KLC1: variants seen among roughly 807,000 people sequenced by gnomAD.
KLC1 encodes kinesin light chain 1.
A neutral mutation model predicts 84.2 loss-of-function variants in KLC1; 30 were observed. The ratio of observed to expected loss-of-function variants is 0.36; its 90% CI spans 0.27 to 0.48. The LOEUF (loss-of-function observed/expected upper bound fraction) is 0.48, where lower values mean the gene tolerates loss of function less well. KLC1 is among the 20% of genes least tolerant of loss of function. KLC1 has a pLI of 0.99. For missense variants in KLC1, 499 were observed against 805.4 expected (o/e 0.62, Z 4.60); for synonymous variants, 289 against 293.3 (o/e 0.99, Z 0.15).
At chr14:103,649,784 C>T (rs953268492) in intron 1 of KLC1, among the ~76,000 whole-genome samples, 1 of 151,654 alleles carries the variant, frequency 6.6e-6, no homozygotes, top group Non-Finnish European at 1.5e-5. Context: ...CAAGCTTCGT[C>T]TCCCGGGTTC....
At chr14:103,654,533 G>C in intron 1 of KLC1, 31 bp from the exon 2 acceptor site, 1 of 1,550,784 alleles carries the variant, frequency 6.4e-7, no homozygotes, top group Non-Finnish European at 8.7e-7. Context: ...TGTAATGAGG[G>C]ATCTAATTTC....
intron 1 of KLC1, among the ~76,000 whole-genome samples, chr14:103,633,962 G>A (rs900795525): frequency 1.3e-5 from 2 of 152,016 alleles, no homozygotes; most frequent in African/African-American, 2.4e-5. Flanking sequence ...TCTGCCTCCC[G>A]GGTTCAAGCC....
chr14:103,654,934 A>G (rs950763569), intron 2 of KLC1, 109 bp downstream of exon 2: 8 of 1,290,516 alleles, frequency 6.2e-6, no homozygotes, highest in Non-Finnish European at 8.5e-6. Flanking sequence ...TTATAGAATA[A>G]CAGATCCAGG....
chr14:103,680,130 G>A (rs1044642074), intron 13 of KLC1, among the ~76,000 whole-genome samples: 1 of 152,214 alleles, frequency 6.6e-6, no homozygotes, highest in Non-Finnish European at 1.5e-5. Context: ...AGCCCGCCAT[G>A]TGCCTGAGAG....
At chr14:103,648,281 G>T (rs1452951433) in intron 1 of KLC1, among the ~76,000 whole-genome samples, 1 of 152,138 alleles carries the variant, frequency 6.6e-6, no homozygotes, top group Non-Finnish European at 1.5e-5. Context: ...TTTAAAAAGA[G>T]TAAAAATTGT....
At chr14:103,641,364 CT>C (rs34722248) in intron 1 of KLC1, among the ~76,000 whole-genome samples, 89,426 of 151,828 alleles carry the variant, frequency 0.59, 27,830 homozygotes, top group Non-Finnish European at 0.71. Flanking sequence ...TTTTCTTAGA[CT>C]TTCCTTGCAT....
At chr14:103,633,054 T>C (rs1567001797) in intron 1 of KLC1, among the ~76,000 whole-genome samples, 1 of 151,524 alleles carries the variant, frequency 6.6e-6, no homozygotes, top group Admixed American at 6.6e-5. Context: ...CAAAGGAGGG[T>C]TGGAAGATTT....
intron 7 of KLC1, among the ~76,000 whole-genome samples, chr14:103,670,957 G>T (rs548838533): frequency 1.3e-5 from 2 of 152,120 alleles, no homozygotes; most frequent in East Asian, 3.9e-4. Flanking sequence ...GTTATGAGGC[G>T]TGTGCATTTA....
rs117270643 is a variant in KLC1, at chr14:103,632,170, G to C, written c.-2+2676G>C. Among the ~76,000 whole-genome samples, 131 of 151,924 alleles carry C rather than the reference G, an allele frequency of 8.6e-4. 3 individuals carry two copies. In the East Asian group the frequency reaches 0.02, roughly 23 times the overall value. ...CTTTGGGAGGCTGAGGCTGCAGATC[G>C]CCCCTAGCTCTTTGGGAGGCCGAGG... On this transcript the variant is annotated intron_variant, in intron 1 of 16. Coordinates refer to ENST00000334553, the MANE Select transcript of KLC1 (RefSeq NM_001394837.1).
chr14:103,679,349 A>T lies in KLC1; in HGVS notation c.1489-35A>T. The T allele has an allele frequency of 3.1e-6, 5 of 1,610,524 alleles. 1 individual carries two copies. In the Middle Eastern group the frequency reaches 8.3e-4, roughly 266 times the overall value. ...ATACCTAAGAAAATCTTAAGTGCTAATGGGTCAAACCATTTTCCCCTGCCT... is the reference window on the plus strand; with the variant it reads ...ATACCTAAGAAAATCTTAAGTGCTATTGGGTCAAACCATTTTCCCCTGCCT... On this transcript the variant is annotated intron_variant, in intron 12 of 16. Transcript: ENST00000334553.
chr14:103,671,225 A>G (rs1456948688), intron 7 of KLC1, among the ~76,000 whole-genome samples: 3 of 152,220 alleles, frequency 2.0e-5, no homozygotes, highest in African/African-American at 4.8e-5. Flanking sequence ...AATGTCATAT[A>G]TATTTAATAC....
intron 1 of KLC1, among the ~76,000 whole-genome samples, chr14:103,635,548 G>A (rs921391976): frequency 1.5e-4 from 23 of 152,140 alleles, no homozygotes; most frequent in Admixed American, 1.4e-3. Flanking sequence ...GAGGTCAGGA[G>A]TTTGAGACCA....
At position 103,692,413 on chromosome 14, in the gene KLC1, A is replaced by G; in HGVS notation, c.1836A>G (p.Glu612=). ...NVLNVGGKAA[E]DRFQGVSGRA... The stretch of plus-strand genomic sequence containing the variant: ...TTAACGTGGGTGGCAAGGCTGCTGA[A>G]GATCGCTTTCAAGTAAGGAGCCTAC... Residue 612 remains glutamate, a synonymous_variant, in exon 15 of 17, where the codon GAA becomes GAG. Coordinates refer to ENST00000334553, the MANE Select transcript of KLC1 (RefSeq NM_001394837.1). 6.5e-7 allele frequency: 1 copy of G among 1,536,636 alleles called. No individual in the cohort carries two copies. Among genetic ancestry groups the G allele is most frequent in the Non-Finnish European group, 8.7e-7 (1 of 1,147,010 alleles).
In KLC1 at chr14:103,658,454, T is replaced by TA. The variant is rs1555421480; in HGVS notation, c.492+679dup. Among the ~76,000 whole-genome samples, 26 of 132,730 alleles carry TA rather than the reference T, an allele frequency of 2.0e-4. 1 individual carries two copies. The South Asian group carries it at 2.9e-3, about 15-fold the overall frequency. 87.1% of individuals were successfully genotyped at this position (132,730 alleles called of 152,430 possible). On this transcript the variant is annotated intron_variant, in intron 3 of 16. Coordinates refer to ENST00000334553, the MANE Select transcript of KLC1 (RefSeq NM_001394837.1). ...TTTTTTTTTTTTTTTTTTTTTTTTT[T>TA]AGTAGAGATGAGGTTTCACTGTTTT...
chr14:103,670,518 G>A (rs1263814128), intron 7 of KLC1, among the ~76,000 whole-genome samples: 1 of 151,908 alleles, frequency 6.6e-6, no homozygotes, highest in Non-Finnish European at 1.5e-5. Context: ...TGTATTTGTA[G>A]TAGAGATGGG....
intron 15 of KLC1, chr14:103,695,204 C>T (rs1228601334): frequency 1.2e-6 from 1 of 821,856 alleles, no homozygotes; most frequent in Non-Finnish European, 1.5e-6. Flanking sequence ...GCCAGTAATC[C>T]TATAATCTTA....
At chr14:103,684,963 A>T (rs1214429048) in intron 13 of KLC1, 1 of 871,022 alleles carries the variant, frequency 1.1e-6, no homozygotes, top group South Asian at 1.4e-5. Flanking sequence ...GTTGGTAACA[A>T]GTGTTATTTT....
intron 6 of KLC1, 113 bp from the exon 7 acceptor site, chr14:103,670,069 C>T (rs2080246107): frequency 1.4e-6 from 1 of 706,678 alleles, no homozygotes; most frequent in East Asian, 2.6e-5. Context: ...ATTGTTCTAT[C>T]CGACTAAGAA....
chr14:103,662,935 A>T lies in KLC1; in HGVS notation c.797+8A>T. ...CCTGGCCTTGGTGTACAGGCTAGTC[A>T]CTTTTGTTTACCTACTGAATTTTAC... On this transcript the variant is annotated splice_region_variant and intron_variant, in intron 5 of 16. Transcript: ENST00000334553. 1 of 1,581,256 alleles carries T rather than the reference A, an allele frequency of 6.3e-7. No homozygotes were observed.
Sources: gnomAD v4.1 joint callset for allele counts (sites outside exome capture counted in the v4.1 genomes callset) on GRCh38, gnomAD v4.1.1 for gene constraint, MANE v1.5 for transcripts, NCBI Gene and HGNC (gene_info 2026-07-23, HGNC 2026-07-21) for gene names.